POLK: variants seen among roughly 807,000 people sequenced by gnomAD.
POLK encodes polymerase (DNA directed) kappa.
In POLK, 76 loss-of-function variants were observed where a neutral mutation model predicts 94.0. That is an observed-to-expected ratio of 0.81 (90% CI 0.67 to 0.98). The LOEUF (loss-of-function observed/expected upper bound fraction) is 0.98, where lower values mean the gene tolerates loss of function less well. Among genes scored for constraint, POLK ranks in the 50% least tolerant of loss-of-function variants. The pLI is 0.00. For synonymous variants in POLK, 349 were observed against 325.4 expected, an observed-to-expected ratio of 1.07 and a Z score of -0.78; for missense variants, 954 against 1,010.1, an observed-to-expected ratio of 0.94 and a Z score of 0.75.
chr5:75,579,976 A>C (rs1772114444), intron 6 of POLK, among the ~76,000 whole-genome samples: 1 of 151,248 alleles, frequency 6.6e-6, no homozygotes, highest in Admixed American at 6.6e-5. Flanking sequence ...TGTCTTAAAA[A>C]AAAAAAAAAA....
intron 12 of POLK, among the ~76,000 whole-genome samples, chr5:75,595,475 A>C (rs1023559160): frequency 6.6e-6 from 1 of 152,172 alleles, no homozygotes; most frequent in African/African-American, 2.4e-5. Flanking sequence ...AAGTAAAAGA[A>C]GCCAGTCTGA....
At chr5:75,577,351 A>G (rs910932650) in intron 6 of POLK, among the ~76,000 whole-genome samples, 1 of 152,106 alleles carries the variant, frequency 6.6e-6, no homozygotes, top group Non-Finnish European at 1.5e-5. Flanking sequence ...TCATTTTCCT[A>G]ATTTTCTATA....
intron 1 of POLK, among the ~76,000 whole-genome samples, chr5:75,533,630 G>A (rs1317218620): frequency 6.6e-6 from 1 of 152,182 alleles, no homozygotes; most frequent in African/African-American, 2.4e-5. Flanking sequence ...TGTGAAGAGT[G>A]TCCTTTGTAG....
rs115174954 is a variant in POLK, at chr5:75,541,328, C to G, written c.-13-5682C>G. 4.2e-3 allele frequency among the ~76,000 whole-genome samples: 637 copies of G among 152,038 alleles called. 1 individual carries two copies. The highest frequency in any genetic ancestry group is 0.011 in the South Asian group (53 of 4,816). On this transcript the variant is annotated intron_variant, in intron 1 of 14. Coordinates refer to ENST00000241436, the Ensembl canonical transcript of POLK. ...AAAAACCAAAAAACAAAAACAAAAA[C>G]TTGGGGCTTGGGGAATTGACCTTTG...
intron 3 of POLK, among the ~76,000 whole-genome samples, chr5:75,556,786 G>A (rs534203308): frequency 9.0e-4 from 137 of 151,616 alleles, no homozygotes; most frequent in Middle Eastern, 3.4e-3. Context: ...TTCTTGCTAG[G>A]TGTGGCGGCT....
At chr5:75,526,830 C>T (rs1768885580) in intron 1 of POLK, among the ~76,000 whole-genome samples, 1 of 152,154 alleles carries the variant, frequency 6.6e-6, no homozygotes, top group South Asian at 2.1e-4. Flanking sequence ...ATCCACCTGC[C>T]TCAGCCTACC....
intron 2 of POLK, 28 bp from the exon 3 acceptor site, chr5:75,552,444 T>G (rs762687978): frequency 1.2e-6 from 2 of 1,600,778 alleles, no homozygotes; most frequent in Admixed American, 3.6e-5. Flanking sequence ...GACATTTTTC[T>G]TATGCTTTGT....
At chr5:75,520,206 A>C (rs1469136065) in intron 1 of POLK, among the ~76,000 whole-genome samples, 1 of 152,150 alleles carries the variant, frequency 6.6e-6, no homozygotes, top group Non-Finnish European at 1.5e-5. Context: ...TAAAATTTTG[A>C]CTTTTTATTG....
the POLK span, chr5:75,609,956 T>C: frequency 5.3e-5 from 8 of 152,242 alleles, no homozygotes; most frequent in Admixed American, 5.2e-4. Flanking sequence ...TGTAAATTTG[T>C]AAGAAGAATA....
downstream of POLK, among the ~76,000 whole-genome samples, chr5:75,601,871 A>G (rs1421151356): frequency 1.3e-5 from 2 of 152,124 alleles, no homozygotes; most frequent in Non-Finnish European, 2.9e-5. Flanking sequence ...ACTCCCCTTC[A>G]TATATACATC....
upstream of POLK, chr5:75,511,637 C>T: frequency 1.3e-6 from 2 of 1,494,136 alleles, no homozygotes; most frequent in Non-Finnish European, 8.9e-7. Flanking sequence ...TTTACCCTCC[C>T]CTCCCCTGTC....
intron 4 of POLK, among the ~76,000 whole-genome samples, chr5:75,570,116 G>A (rs183926448): frequency 1.3e-5 from 2 of 152,150 alleles, no homozygotes; most frequent in Admixed American, 6.6e-5. Flanking sequence ...CCACCAGTCC[G>A]TGGAAAAATT....
chr5:75,570,885 G>A (rs1208120885), intron 4 of POLK, among the ~76,000 whole-genome samples: 1 of 152,036 alleles, frequency 6.6e-6, no homozygotes, highest in African/African-American at 2.4e-5. Flanking sequence ...GCCTCTGTGA[G>A]TATGCAGGCA....
At chr5:75,574,125 G>A (rs1771742979) in intron 5 of POLK, among the ~76,000 whole-genome samples, 1 of 151,960 alleles carries the variant, frequency 6.6e-6, no homozygotes, top group African/African-American at 2.4e-5. Context: ...CTCAAACTTT[G>A]AACTGCCTTA....
chr5:75,607,757 T>A, the POLK span, among the ~76,000 whole-genome samples: 11 of 152,272 alleles, frequency 7.2e-5, no homozygotes, highest in East Asian at 1.9e-3. Context: ...GTTTAAGCCA[T>A]AGTTACTTGG....
intron 6 of POLK, among the ~76,000 whole-genome samples, chr5:75,578,679 A>C (rs775684739): frequency 6.6e-6 from 1 of 152,198 alleles, no homozygotes; most frequent in Non-Finnish European, 1.5e-5. Context: ...GAAATTGTCA[A>C]TAGTGCATTG....
chr5:75,573,666 C>T, intron 4 of POLK, 72 bp from the exon 5 acceptor site: 1 of 1,219,490 alleles, frequency 8.2e-7, no homozygotes, highest in Non-Finnish European at 1.2e-6. Flanking sequence ...TAATGTGTTT[C>T]TTATGAATGC....
At chr5:75,608,376 T>G in the POLK span, among the ~76,000 whole-genome samples, 5 of 152,168 alleles carry the variant, frequency 3.3e-5, no homozygotes, top group Non-Finnish European at 5.9e-5. Flanking sequence ...AAATTTTTTG[T>G]GGAGACTGGA....
chr5:75,547,198 CT>C, intron 2 of POLK, 41 bp downstream of exon 2: 2 of 1,118,722 alleles, frequency 1.8e-6, no homozygotes, highest in Non-Finnish European at 1.2e-6. Flanking sequence ...ATTTAATGAC[CT>C]TTTAACTTTC....
Sources: gnomAD v4.1 joint callset for allele counts (sites outside exome capture counted in the v4.1 genomes callset) on GRCh38, gnomAD v4.1.1 for gene constraint, MANE v1.5 for transcripts, NCBI Gene and HGNC (gene_info 2026-07-23, HGNC 2026-07-21) for gene names.